Variants in SUV39H2 observed in about 807,000 individuals in gnomAD.
SUV39H2 encodes the protein SUV39H2 histone lysine methyltransferase.
A neutral mutation model predicts 47.5 loss-of-function variants in SUV39H2; 10 were observed. The ratio of observed to expected loss-of-function variants is 0.21; its 90% CI spans 0.13 to 0.36. The LOEUF (loss-of-function observed/expected upper bound fraction) is 0.36. Ranked by LOEUF, SUV39H2 falls within the 10% of genes least tolerant of loss-of-function variation. The pLI is 1.00. For missense variants in SUV39H2, 266 were observed against 487.4 expected (o/e 0.55, Z 4.28); for synonymous variants, 159 against 166.8 (o/e 0.95, Z 0.36).
At chr10:14,889,103 CAAA>C (rs72496731) in intron 2 of SUV39H2, among the ~76,000 whole-genome samples, 2 of 127,906 alleles carry the variant, frequency 1.6e-5, no homozygotes, top group East Asian at 2.2e-4. Flanking sequence ...AACTCTGTCT[CAAA>C]AAAAAAAAAA....
At chr10:14,894,642 C>A (rs1833506671) in intron 2 of SUV39H2, among the ~76,000 whole-genome samples, 1 of 57,516 alleles carries the variant, frequency 1.7e-5, no homozygotes, top group Non-Finnish European at 2.9e-5. Context: ...GCTGGGATTA[C>A]AGGCGTGAGC....
rs564691197 is a variant in SUV39H2 at position 14,888,964 on chromosome 10, G to A, written c.177+7319G>A. Among the ~76,000 whole-genome samples, 403 of 152,242 alleles carry A rather than the reference G, an allele frequency of 2.6e-3. 3 individuals are homozygous for A. The highest frequency in any genetic ancestry group is 3.6e-3 in the Non-Finnish European group (244 of 68,004). On this transcript the variant is annotated intron_variant, in intron 2 of 5. Coordinates refer to ENST00000354919, the MANE Select transcript of SUV39H2 (RefSeq NM_001193424.2). The stretch of plus-strand genomic sequence containing the variant: ...ACTAAAAATACAAAATTAGCCGGGC[G>A]TGGTGGCACATTCGTGTCATCCCAG...
chr10:14,893,636 A>G (rs1833467126), intron 2 of SUV39H2, among the ~76,000 whole-genome samples: 1 of 152,244 alleles, frequency 6.6e-6, no homozygotes, highest in Admixed American at 6.5e-5. Context: ...GGATTTTAAA[A>G]ATAAAATATG....
intron 2 of SUV39H2, among the ~76,000 whole-genome samples, chr10:14,881,867 C>G (rs908591805): frequency 2.6e-5 from 4 of 152,152 alleles, no homozygotes; most frequent in African/African-American, 9.7e-5. Context: ...TGCTCATATC[C>G]CTCTACATCC....
At chr10:14,898,646 A>C (rs1833773952) in intron 3 of SUV39H2, 1 of 152,202 alleles carries the variant, frequency 6.6e-6, no homozygotes, top group Non-Finnish European at 1.5e-5. Flanking sequence ...GCAGCAGCCA[A>C]ATTTGGTTGG....
At chr10:14,888,660 A>G (rs912222796) in intron 2 of SUV39H2, among the ~76,000 whole-genome samples, 3 of 152,058 alleles carry the variant, frequency 2.0e-5, no homozygotes, top group Non-Finnish European at 4.4e-5. Flanking sequence ...GAAAATGGGA[A>G]GAGTAAATCA....
intron 4 of SUV39H2, 33 bp from the exon 5 acceptor site, chr10:14,901,100 T>C: frequency 6.2e-7 from 1 of 1,610,946 alleles, no homozygotes; most frequent in Non-Finnish European, 8.5e-7. Flanking sequence ...TTACACCGTT[T>C]GTACTTAAAT....
chr10:14,882,356 T>C (rs1833063339), intron 2 of SUV39H2, among the ~76,000 whole-genome samples: 1 of 152,358 alleles, frequency 6.6e-6, no homozygotes, highest in African/African-American at 2.4e-5. Context: ...TTTATTTTCC[T>C]CCTTCATCTT....
chr10:14,894,371 T>G lies in SUV39H2; in HGVS notation c.178-2475T>G, dbSNP rs1226361846. Among the ~76,000 whole-genome samples, 6 of 52,042 alleles carry G rather than the reference T, an allele frequency of 1.2e-4. 2 individuals are homozygous for G. The highest frequency in any genetic ancestry group is 1.9e-4 in the Non-Finnish European group (6 of 32,320). The allele number at this position is 52,042 out of a possible 152,430, so 34.1% of individuals were successfully genotyped here. A position where few individuals can be genotyped will look rare whatever the true frequency, so the allele number is the denominator to read the frequency against. On this transcript the variant is annotated intron_variant, in intron 2 of 5. Transcript: ENST00000354919. ...GAAAGCAAAGTTTTTTTTTTTTTTT[T>G]TTTTTTTTTTTTTTGAGACGGAGTC...
chr10:14,879,073 A>G (rs944883350), intron 1 of SUV39H2, 154 bp downstream of exon 1: 1 of 1,300,268 alleles, frequency 7.7e-7, no homozygotes, highest in Non-Finnish European at 9.7e-7. Flanking sequence ...GCGGACGCCT[A>G]TCCTCCCCCA....
chr10:14,899,493 T>C (rs1245212450), intron 3 of SUV39H2, 46 bp from the exon 4 acceptor site: 2 of 1,598,978 alleles, frequency 1.3e-6, no homozygotes, highest in East Asian at 2.2e-5. Flanking sequence ...TGAATGCTTC[T>C]TTGGTTCAGT....
intron 2 of SUV39H2, among the ~76,000 whole-genome samples, chr10:14,889,427 A>G (rs1262515061): frequency 6.6e-6 from 1 of 152,212 alleles, no homozygotes; most frequent in African/African-American, 2.4e-5. Flanking sequence ...TTTATATCTC[A>G]GAGGAGGTTT....
At position 14,897,444 on chromosome 10, in the gene SUV39H2, A is replaced by G. The variant is rs1833666207; in HGVS notation, c.776A>G (p.Asn259Ser). The G allele has an allele frequency of 6.2e-7, 1 of 1,612,480 alleles. No homozygotes were observed. The change falls in exon 3 of 6, where the codon AAT becomes AGT. Residue 259 changes from asparagine (N) to serine (S), a missense_variant. By Grantham distance (46) the Asn-to-Ser change is conservative. Coordinates refer to ENST00000354919, the MANE Select transcript of SUV39H2 (RefSeq NM_001193424.2). ...QYSLCIFRTSNGRGWGVKTLV... is the reference protein window; with the variant it reads ...QYSLCIFRTSSGRGWGVKTLV... The stretch of plus-strand genomic sequence containing the variant: ...TCGCTTTGCATCTTTCGAACTAGCA[A>G]TGGACGTGGCTGGGGTGTAAAGACC...
rs572382793 is a variant in SUV39H2 at position 14,891,046 on chromosome 10, G to A, written c.178-5800G>A. ...AAAAAATAAGATTCCATCCCTTCCC[G>A]CAAATAACTTAGAGTTTAAATTGGA... On this transcript the variant is annotated intron_variant, in intron 2 of 5. Coordinates refer to ENST00000354919, the MANE Select transcript of SUV39H2 (RefSeq NM_001193424.2). Among the ~76,000 whole-genome samples, 8 of 152,120 alleles carry A rather than the reference G, an allele frequency of 5.3e-5. No homozygotes were observed. In the South Asian group the frequency reaches 6.2e-4, roughly 12 times the overall value.
At chr10:14,893,354 G>A (rs1022441244) in intron 2 of SUV39H2, among the ~76,000 whole-genome samples, 2 of 152,120 alleles carry the variant, frequency 1.3e-5, no homozygotes, top group East Asian at 1.9e-4. Context: ...GGCTGTTCTC[G>A]AACTCCTGAC....
At chr10:14,890,142 C>G (rs1833342269) in intron 2 of SUV39H2, among the ~76,000 whole-genome samples, 2 of 152,130 alleles carry the variant, frequency 1.3e-5, no homozygotes, top group South Asian at 4.2e-4. Context: ...CTGATTGAAC[C>G]TAGAGTGGTT....
At chr10:14,902,253 C>A (rs890128196) in intron 5 of SUV39H2, among the ~76,000 whole-genome samples, 153 bp from the exon 6 acceptor site, 1 of 152,200 alleles carries the variant, frequency 6.6e-6, no homozygotes, top group Non-Finnish European at 1.5e-5. Flanking sequence ...AGGGAACTAA[C>A]TACATTTCCT....
Position 14,902,925 on chromosome 10 carries a change from TTC to T in SUV39H2, c.*415_*416del, listed in dbSNP as rs1301087165. On this transcript the variant is annotated 3_prime_UTR_variant, in exon 6 of 6. Coordinates refer to ENST00000354919, the MANE Select transcript of SUV39H2 (RefSeq NM_001193424.2). ...ACAGTTAATTTGGGCAAATCTACAG[TTC>T]TGTTTTTGCTACTCTATTGTCATTC... is the stretch of plus-strand genomic sequence containing the variant. 1 of 153,912 alleles carries T rather than the reference TTC, an allele frequency of 6.5e-6. No homozygotes were observed. The highest frequency in any genetic ancestry group is 1.4e-5 in the Non-Finnish European group (1 of 69,114). The allele number at this position is 153,912 out of a possible 1,614,324, so 9.5% of individuals were successfully genotyped here.
At chr10:14,902,384 A>G (rs2131728336) in intron 5 of SUV39H2, 22 bp from the exon 6 acceptor site, 1 of 1,502,838 alleles carries the variant, frequency 6.7e-7, no homozygotes, top group Non-Finnish European at 9.1e-7. Flanking sequence ...TTTCTCCTAT[A>G]TTTCTTTTTC....
Sources: gnomAD v4.1 joint callset for allele counts (sites outside exome capture counted in the v4.1 genomes callset) on GRCh38, gnomAD v4.1.1 for gene constraint, MANE v1.5 for transcripts, NCBI Gene and HGNC (gene_info 2026-07-23, HGNC 2026-07-21) for gene names.